The following DMD variants were observed in gnomAD, a reference collection of about 807,000 sequenced individuals.
The protein encoded by DMD is dystrophin.
Under a neutral mutation model 330.1 loss-of-function variants are expected in DMD, and 63 were observed. The observed-to-expected ratio is 0.19, with a 90% confidence interval of 0.16 to 0.24. The LOEUF is 0.24. Among genes scored for constraint, DMD ranks in the 10% least tolerant of loss-of-function variants. The pLI is 1.00. For synonymous variants in DMD, 1,223 were observed against 959.8 expected, an observed-to-expected ratio of 1.27 and a Z score of -5.07; for missense variants, 3,344 against 2,684.1, an observed-to-expected ratio of 1.25 and a Z score of -5.43.
chrX:31,688,347 G>A (rs974184583), intron 52 of DMD, among the ~76,000 whole-genome samples: 25 of 109,797 alleles, frequency 2.3e-4, no homozygotes, highest in African/African-American at 7.3e-4. Flanking sequence ...ACACCTCTAC[G>A]CAAATAAACT....
intron 65 of DMD, among the ~76,000 whole-genome samples, chrX:31,207,423 A>G (rs370655507): frequency 2.7e-5 from 3 of 111,713 alleles, no homozygotes; most frequent in East Asian, 5.6e-4. Flanking sequence ...CATGGGGGAA[A>G]AAAAGGAAAA....
chrX:31,501,477 G>C (rs1471370742), intron 56 of DMD, among the ~76,000 whole-genome samples: 1 of 111,963 alleles, frequency 8.9e-6, no homozygotes, highest in Non-Finnish European at 1.9e-5. Context: ...AAGAGCTTAG[G>C]GGTTACTACC....
intron 34 of DMD, among the ~76,000 whole-genome samples, chrX:32,371,593 G>C (rs1032687443): frequency 9.9e-5 from 11 of 111,411 alleles, no homozygotes; most frequent in African/African-American, 3.3e-4. Context: ...AAATCATATA[G>C]ATTAGACTTT....
In DMD at chrX:32,610,198, C is replaced by A. The variant is rs1240009697; in HGVS notation, c.1482+4105G>T. ...GGGAATGAGAGGTTCGATTTGTTTA[C>A]TCCCCAGAAAGACTCACTCTTGGGT... is the stretch of plus-strand genomic sequence containing the variant. On this transcript the variant is annotated intron_variant, in intron 12 of 78. Coordinates refer to ENST00000357033, the MANE Select transcript of DMD (RefSeq NM_004006.3). 1.9e-4 allele frequency among the ~76,000 whole-genome samples: 21 copies of A among 110,955 alleles called. 1 individual carries two copies. In the Admixed American group the frequency reaches 2.0e-3, roughly 11 times the overall value.
intron 2 of DMD, among the ~76,000 whole-genome samples, chrX:32,860,579 ATTTT>A (rs11427173): frequency 9.3e-6 from 1 of 107,793 alleles, no homozygotes; most frequent in African/African-American, 3.4e-5. Flanking sequence ...TTCCGAGTTG[ATTTT>A]TTTTTTGTTT....
intron 55 of DMD, among the ~76,000 whole-genome samples, chrX:31,625,982 A>T (rs960660647): frequency 2.2e-4 from 24 of 110,728 alleles, no homozygotes; most frequent in African/African-American, 7.9e-4. Context: ...ATGTATTTTT[A>T]TTTATTTATT....
chrX:32,873,740 G>A (rs1275439233), intron 2 of DMD, among the ~76,000 whole-genome samples: 2 of 111,954 alleles, frequency 1.8e-5, no homozygotes, highest in East Asian at 5.6e-4. Context: ...AAAACCCTTT[G>A]CTTCTCCAAA....
At chrX:32,052,594 T>C (rs1263105775) in intron 44 of DMD, among the ~76,000 whole-genome samples, 1 of 111,580 alleles carries the variant, frequency 9.0e-6, no homozygotes, top group Non-Finnish European at 1.9e-5. Context: ...GTGGCATGAA[T>C]ATGACTTGAC....
At chrX:31,358,334 GGTC>G (rs2058766047) in intron 60 of DMD, among the ~76,000 whole-genome samples, 1 of 111,682 alleles carries the variant, frequency 9.0e-6, no homozygotes, top group Non-Finnish European at 1.9e-5. Flanking sequence ...TGAATTTCTA[GGTC>G]ATCATGGAAG....
intron 1 of DMD, among the ~76,000 whole-genome samples, chrX:33,332,528 C>A (rs192951598): frequency 2.0e-4 from 22 of 111,272 alleles, no homozygotes; most frequent in African/African-American, 6.8e-4. Context: ...CCATCTCCTC[C>A]CTCTGACTTA....
chrX:31,757,910 C>T (rs1452190390), intron 51 of DMD, among the ~76,000 whole-genome samples: 2 of 110,603 alleles, frequency 1.8e-5, no homozygotes, highest in African/African-American at 3.3e-5. Flanking sequence ...AGATCCAGTC[C>T]CCTTTCTTCG....
At chrX:32,890,479 C>A (rs970751190) in intron 2 of DMD, among the ~76,000 whole-genome samples, 1 of 110,365 alleles carries the variant, frequency 9.1e-6, no homozygotes, top group Admixed American at 9.7e-5. Context: ...AAAAGCCACA[C>A]CCTTAATCCA....
chrX:33,087,571 T>C (rs1461967411), intron 1 of DMD, among the ~76,000 whole-genome samples: 4 of 112,270 alleles, frequency 3.6e-5, no homozygotes, highest in African/African-American at 1.3e-4. Context: ...AGTACAATAC[T>C]GTGTTCATTA....
At chrX:33,242,875 G>A (rs768317603) in intron 1 of DMD, among the ~76,000 whole-genome samples, 12 of 111,923 alleles carry the variant, frequency 1.1e-4, no homozygotes, top group Non-Finnish European at 1.9e-4. Context: ...TCATATGTTT[G>A]TTGGCCATCT....
intron 1 of DMD, among the ~76,000 whole-genome samples, chrX:33,112,175 C>G (rs1214160051): frequency 9.0e-6 from 1 of 111,026 alleles, no homozygotes; most frequent in African/African-American, 3.3e-5. Context: ...ATTCACATAA[C>G]TTTTATCACA....
intron 51 of DMD, among the ~76,000 whole-genome samples, chrX:31,765,225 T>G (rs943448837): frequency 8.9e-6 from 1 of 111,990 alleles, no homozygotes; most frequent in Admixed American, 9.5e-5. Context: ...TTCATCTATA[T>G]GAAAAAGGCA....
intron 7 of DMD, among the ~76,000 whole-genome samples, chrX:32,772,531 G>A (rs1465399795): frequency 3.6e-5 from 4 of 112,266 alleles, no homozygotes; most frequent in Non-Finnish European, 5.6e-5. Context: ...CTAATTGCTT[G>A]TGTAAAGTTT....
chrX:33,115,581 G>A (rs976969851), intron 1 of DMD, among the ~76,000 whole-genome samples: 22 of 107,190 alleles, frequency 2.1e-4, no homozygotes, highest in Admixed American at 1.6e-3. Flanking sequence ...GCGTGGTCTC[G>A]GCTCACTGCA....
chrX:33,283,700 GTATTT>G (rs1333587818), intron 1 of DMD, among the ~76,000 whole-genome samples: 1 of 110,642 alleles, frequency 9.0e-6, no homozygotes, highest in Non-Finnish European at 1.9e-5. Flanking sequence ...TATGTAGATT[GTATTT>G]TATTATTTAA....
Sources: gnomAD v4.1 joint callset for allele counts (sites outside exome capture counted in the v4.1 genomes callset) on GRCh38, gnomAD v4.1.1 for gene constraint, MANE v1.5 for transcripts, NCBI Gene and HGNC (gene_info 2026-07-23, HGNC 2026-07-21) for gene names.